NTRK3: variants seen among roughly 807,000 people sequenced by gnomAD.
NTRK3 encodes neurotrophic receptor tyrosine kinase 3, also known as NT-3 growth factor receptor.
NTRK3 carries 24 observed loss-of-function variants against 91.7 expected under a neutral mutation model. That is an observed-to-expected ratio of 0.26 (90% CI 0.19 to 0.37). The LOEUF is 0.37. Ranked by LOEUF, NTRK3 falls within the 10% of genes least tolerant of loss-of-function variation. The pLI is 1.00. For missense variants in NTRK3, 880 were observed against 1,068.9 expected (o/e 0.82, Z 2.46); for synonymous variants, 483 against 404.0 (o/e 1.20, Z -2.34).
intron 14 of NTRK3, among the ~76,000 whole-genome samples, chr15:88,013,170 T>C (rs1396734065): frequency 6.9e-6 from 1 of 145,076 alleles, no homozygotes; most frequent in Non-Finnish European, 1.5e-5. Flanking sequence ...AACCGTGCAC[T>C]GGTAAAGACC....
At chr15:88,205,935 A>G (rs1472070604) in intron 3 of NTRK3, 1 of 152,266 alleles carries the variant, frequency 6.6e-6, no homozygotes, top group Non-Finnish European at 1.5e-5. Context: ...CAGCTTAATG[A>G]AGAGGGGTCC....
intron 3 of NTRK3, among the ~76,000 whole-genome samples, chr15:88,242,416 C>T (rs1168564619): frequency 1.3e-5 from 2 of 152,204 alleles, no homozygotes; most frequent in Non-Finnish European, 2.9e-5. Context: ...AAATTGCACC[C>T]TCTCCACCTT....
At chr15:88,222,956 G>A (rs1271106527) in intron 3 of NTRK3, among the ~76,000 whole-genome samples, 1 of 152,216 alleles carries the variant, frequency 6.6e-6, no homozygotes, top group African/African-American at 2.4e-5. Context: ...GTTCTGGACT[G>A]CCTCACACTG....
At chr15:87,983,889 T>C (rs532528824) in intron 14 of NTRK3, among the ~76,000 whole-genome samples, 2 of 152,220 alleles carry the variant, frequency 1.3e-5, no homozygotes, top group South Asian at 4.2e-4. Context: ...GTTAGGAAGG[T>C]AAGCAGCACC....
At chr15:87,898,287 A>T (rs1294629686) in intron 17 of NTRK3, among the ~76,000 whole-genome samples, 1 of 152,182 alleles carries the variant, frequency 6.6e-6, no homozygotes, top group Non-Finnish European at 1.5e-5. Context: ...GATAGAAGTT[A>T]ATCTATTGCC....
intron 17 of NTRK3, among the ~76,000 whole-genome samples, chr15:87,901,767 G>A (rs539037300): frequency 2.6e-5 from 4 of 151,344 alleles, no homozygotes; most frequent in Admixed American, 6.6e-5. Context: ...GTTGGGGAGG[G>A]GGGGAGAGGG....
chr15:88,045,053 T>G (rs1435003137), intron 13 of NTRK3, among the ~76,000 whole-genome samples: 1 of 152,182 alleles, frequency 6.6e-6, no homozygotes, highest in Non-Finnish European at 1.5e-5. Context: ...CTGCCCATCT[T>G]AGGTAGCACA....
rs373704584 is a variant in NTRK3, at chr15:88,241,729, C to G, written c.248+14177G>C. Among the ~76,000 whole-genome samples, 5 of 152,324 alleles carry G rather than the reference C, an allele frequency of 3.3e-5. No individual in the cohort carries two copies. The East Asian group carries it at 9.7e-4, about 29-fold the overall frequency. On this transcript the variant is annotated intron_variant, in intron 3 of 18. Coordinates refer to ENST00000394480, the Ensembl canonical transcript of NTRK3. The surrounding 1 kb of genome is among the most constrained non-coding windows in gnomAD (Gnocchi z 4.3). ...CGCCTCACCCAGGCTCACCTCCACC[C>G]AGCGCACTGGGGAGAAGGGCTGCCC...
intron 17 of NTRK3, among the ~76,000 whole-genome samples, chr15:87,910,504 T>G (rs780566415): frequency 3.3e-5 from 5 of 152,196 alleles, no homozygotes; most frequent in Admixed American, 6.5e-5. Flanking sequence ...AAACATGCCG[T>G]GTTTCAGTCT....
chr15:88,002,962 A>C (rs2076224536), intron 14 of NTRK3, among the ~76,000 whole-genome samples: 1 of 152,222 alleles, frequency 6.6e-6, no homozygotes, highest in Admixed American at 6.6e-5. Flanking sequence ...ACCACTTTTC[A>C]AAAATCCGCC....
chr15:88,047,007 C>T (rs1486603678), intron 13 of NTRK3, among the ~76,000 whole-genome samples: 2 of 152,172 alleles, frequency 1.3e-5, no homozygotes, highest in African/African-American at 4.8e-5. Flanking sequence ...GCCCTGACCG[C>T]CCTGCAGAGG....
At chr15:88,127,496 C>G (rs1284889275) in intron 11 of NTRK3, among the ~76,000 whole-genome samples, 1 of 152,192 alleles carries the variant, frequency 6.6e-6, no homozygotes, top group Non-Finnish European at 1.5e-5. Context: ...CCTGCCCCAA[C>G]CCCAGAGAAA....
At chr15:87,893,954 T>C (rs2065975104) in intron 17 of NTRK3, among the ~76,000 whole-genome samples, 1 of 152,238 alleles carries the variant, frequency 6.6e-6, no homozygotes, top group African/African-American at 2.4e-5. Context: ...GAGACAACTC[T>C]GAAGAGTGGT....
intron 13 of NTRK3, among the ~76,000 whole-genome samples, chr15:88,063,052 T>C (rs1330251420): frequency 2.0e-5 from 3 of 152,262 alleles, no homozygotes; most frequent in Non-Finnish European, 4.4e-5. Flanking sequence ...AAGTTCCTTA[T>C]GCTGTGGTTC....
At chr15:88,205,303 C>T (rs2048646748) in intron 3 of NTRK3, among the ~76,000 whole-genome samples, 1 of 152,102 alleles carries the variant, frequency 6.6e-6, no homozygotes, top group South Asian at 2.1e-4. Context: ...ATGGGGAAAC[C>T]GCAAGCCAGA....
intron 13 of NTRK3, among the ~76,000 whole-genome samples, chr15:88,052,866 G>A (rs1266941023): frequency 6.6e-6 from 1 of 152,108 alleles, no homozygotes; most frequent in Non-Finnish European, 1.5e-5. Context: ...ACAAGGAGCT[G>A]AAAATATTAA....
At chr15:88,109,184 G>A (rs2051047833) in intron 13 of NTRK3, among the ~76,000 whole-genome samples, 1 of 152,194 alleles carries the variant, frequency 6.6e-6, no homozygotes, top group Admixed American at 6.5e-5. Context: ...GATCACTGGC[G>A]AGGGCCCGGT....
At chr15:88,030,712 T>C (rs28372036) in intron 14 of NTRK3, among the ~76,000 whole-genome samples, 74,243 of 151,460 alleles carry the variant, frequency 0.49, 19,495 homozygotes, top group African/African-American at 0.69. Flanking sequence ...AAATGTGACC[T>C]TAGAGGCACG....
chr15:87,913,418 C>A (rs569705026), intron 17 of NTRK3, among the ~76,000 whole-genome samples: 1 of 152,142 alleles, frequency 6.6e-6, no homozygotes, highest in African/African-American at 2.4e-5. Context: ...GAGCACTGCT[C>A]AGGATGACAT....
Sources: gnomAD v4.1 joint callset for allele counts (sites outside exome capture counted in the v4.1 genomes callset) on GRCh38, gnomAD v4.1.1 for gene constraint, Gnocchi (gnomAD v3.1) non-coding constraint, MANE v1.5 for transcripts, NCBI Gene and HGNC (gene_info 2026-07-23, HGNC 2026-07-21) for gene names.